The following KALRN variants were observed in gnomAD, a reference collection of about 807,000 sequenced individuals.
The protein encoded by KALRN is kalirin.
A neutral mutation model predicts 353.7 loss-of-function variants in KALRN; 70 were observed. The observed-to-expected ratio is 0.20, with a 90% CI of 0.16 to 0.24. The LOEUF (loss-of-function observed/expected upper bound fraction) is 0.24. Among genes scored for constraint, KALRN ranks in the 10% least tolerant of loss-of-function variants. KALRN has a pLI of 1.00. For synonymous variants in KALRN, 1,391 were observed against 1,434.8 expected (o/e 0.97, Z 0.69); for missense variants, 2,791 against 3,756.7 (o/e 0.74, Z 6.72).
rs765198024 is a variant in KALRN at position 124,474,720 on chromosome 3, C to T, written c.4089C>T (p.Cys1363=). ...YEQLPEDVGH[C]FVTWADKFQM... ...AACTGCCTGAGGATGTGGGACACTG[C>T]TTTGTTACCTGGGTAACCAACCTGA... Residue 1363 remains cysteine (C), a synonymous_variant, in exon 26 of 60, where the codon TGC becomes TGT. Transcript: ENST00000682506. The T allele has an allele frequency of 8.1e-6, 13 of 1,613,786 alleles. No homozygotes were observed. In the South Asian group the frequency reaches 1.3e-4, roughly 16 times the overall value.
At chr3:124,698,205 A>G (rs1265296758) in intron 55 of KALRN, among the ~76,000 whole-genome samples, 2 of 152,068 alleles carry the variant, frequency 1.3e-5, no homozygotes, top group Non-Finnish European at 2.9e-5. Flanking sequence ...GAAACTCCTG[A>G]GCGCAAACAG....
intron 1 of KALRN, among the ~76,000 whole-genome samples, chr3:124,118,748 AC>A (rs1357599338): frequency 1.3e-5 from 2 of 152,214 alleles, no homozygotes; most frequent in African/African-American, 4.8e-5. Flanking sequence ...TTTATTATAT[AC>A]CAGATTTGTT....
chr3:124,287,573 G>T (rs546811214), intron 5 of KALRN, among the ~76,000 whole-genome samples: 1 of 151,276 alleles, frequency 6.6e-6, no homozygotes, highest in East Asian at 2.0e-4. Flanking sequence ...TCCCTTTCAA[G>T]GATCATTGGT....
chr3:124,461,353 T>C lies in KALRN; in HGVS notation c.3855-537T>C, dbSNP rs1577117094. ...CCACAGAGATTTATTATCTGGCTCT[T>C]TATAGAAAAATTGCTAACCCCTGAT... is the stretch of plus-strand genomic sequence containing the variant. On this transcript the variant is annotated intron_variant, in intron 23 of 59. Coordinates refer to ENST00000682506, the MANE Select transcript of KALRN (RefSeq NM_001388419.1). Among the ~76,000 whole-genome samples the C allele has an allele frequency of 2.0e-5, 3 of 152,198 alleles. No individual in the cohort carries two copies. The South Asian group carries it at 6.3e-4, about 32-fold the overall frequency.
chr3:124,105,301 CTT>C (rs1052865577), intron 1 of KALRN, among the ~76,000 whole-genome samples: 9 of 152,070 alleles, frequency 5.9e-5, no homozygotes, highest in African/African-American at 1.9e-4. Flanking sequence ...GATTTAGAAA[CTT>C]TGAGTTTTAG....
intron 48 of KALRN, among the ~76,000 whole-genome samples, chr3:124,673,126 T>C (rs1455941601): frequency 6.6e-6 from 1 of 152,156 alleles, no homozygotes. Flanking sequence ...GGCTCACGCC[T>C]GTAATCCCAG....
chr3:124,718,433 C>A (rs565472319), intron 59 of KALRN, among the ~76,000 whole-genome samples: 8 of 152,182 alleles, frequency 5.3e-5, no homozygotes, highest in African/African-American at 1.9e-4. Flanking sequence ...CCCATTATGA[C>A]TATTAAAGAG....
intron 1 of KALRN, among the ~76,000 whole-genome samples, chr3:124,154,871 C>G (rs1223459793): frequency 1.3e-5 from 2 of 152,216 alleles, no homozygotes; most frequent in African/African-American, 2.4e-5. Flanking sequence ...TACTACAAGG[C>G]TACAGTAACC....
intron 1 of KALRN, among the ~76,000 whole-genome samples, chr3:124,049,537 C>G (rs1031392805): frequency 2.0e-5 from 3 of 152,146 alleles, no homozygotes; most frequent in Non-Finnish European, 4.4e-5. Context: ...GGGATTTTGT[C>G]AGCTGCTTCT....
chr3:124,505,993 G>A (rs1446941355), intron 33 of KALRN, among the ~76,000 whole-genome samples: 1 of 152,218 alleles, frequency 6.6e-6, no homozygotes, highest in Non-Finnish European at 1.5e-5. Context: ...AACCAAAGTG[G>A]CAGTTGGATG....
chr3:124,155,971 G>A (rs182337365), intron 1 of KALRN, among the ~76,000 whole-genome samples: 1 of 152,198 alleles, frequency 6.6e-6, no homozygotes, highest in Non-Finnish European at 1.5e-5. Context: ...ATTCATCTGG[G>A]TCTGGGATGC....
chr3:124,143,306 A>G (rs1377848638), intron 1 of KALRN, among the ~76,000 whole-genome samples: 5 of 151,758 alleles, frequency 3.3e-5, no homozygotes, highest in African/African-American at 9.7e-5. Flanking sequence ...TTCCCTCTCT[A>G]TTTTCTGGAA....
At chr3:124,523,009 T>G (rs1048483902) in intron 33 of KALRN, among the ~76,000 whole-genome samples, 4 of 152,226 alleles carry the variant, frequency 2.6e-5, no homozygotes, top group African/African-American at 9.6e-5. Context: ...ATGCTTTACA[T>G]TTTCATAACG....
intron 1 of KALRN, among the ~76,000 whole-genome samples, chr3:124,156,302 G>A (rs144978534): frequency 6.6e-6 from 1 of 152,316 alleles, no homozygotes; most frequent in African/African-American, 2.4e-5. Context: ...AGCTTCTTTT[G>A]TAAGTTTCCA....
chr3:124,555,751 G>A (rs888090474), intron 33 of KALRN, among the ~76,000 whole-genome samples: 16 of 152,116 alleles, frequency 1.1e-4, no homozygotes, highest in Admixed American at 3.9e-4. Flanking sequence ...TTATTCACTC[G>A]CGCATTCAAC....
At chr3:124,036,273 G>C (rs1406829088) in intron 1 of KALRN, among the ~76,000 whole-genome samples, 14 of 151,982 alleles carry the variant, frequency 9.2e-5, no homozygotes, top group Non-Finnish European at 1.5e-5. Context: ...GTGTCCATGT[G>C]TTTTCATTGT....
intron 1 of KALRN, among the ~76,000 whole-genome samples, chr3:124,120,647 C>A (rs1367493259): frequency 2.0e-5 from 3 of 149,356 alleles, no homozygotes; most frequent in Non-Finnish European, 4.4e-5. Context: ...CTAGAAGATA[C>A]AGAAATGTGA....
chr3:124,051,199 A>G (rs1032865900), intron 1 of KALRN, among the ~76,000 whole-genome samples: 35 of 152,244 alleles, frequency 2.3e-4, no homozygotes, highest in Non-Finnish European at 5.9e-5. Context: ...AGAGGGGCAT[A>G]TGACGCAGTC....
intron 31 of KALRN, chr3:124,491,717 G>A (rs574119552): frequency 4.5e-5 from 12 of 267,820 alleles, no homozygotes; most frequent in African/African-American, 2.2e-4. Flanking sequence ...TGCTCTGTCC[G>A]TATCTCTTCC....
Sources: allele counts gnomAD v4.1 joint callset (sites outside exome capture counted in the v4.1 genomes callset), GRCh38; gene constraint gnomAD v4.1.1; transcripts MANE v1.5; gene names NCBI Gene and HGNC (gene_info 2026-07-23, HGNC 2026-07-21).